ADGRL2: variants seen among roughly 807,000 people sequenced by gnomAD.
The protein encoded by ADGRL2 is adhesion G protein-coupled receptor L2, also known as calcium-independent alpha-latrotoxin receptor 2.
ADGRL2 carries 44 observed loss-of-function variants against 157.4 expected under a neutral mutation model. The ratio of observed to expected loss-of-function variants is 0.28; its 90% confidence interval spans 0.22 to 0.36. The LOEUF (loss-of-function observed/expected upper bound fraction) is 0.36, where lower values mean the gene tolerates loss of function less well. ADGRL2 is among the 10% of genes least tolerant of loss of function. The pLI is 1.00. For missense variants in ADGRL2, 1,510 were observed against 1,768.9 expected (o/e 0.85, Z 2.63); for synonymous variants, 585 against 624.7 (o/e 0.94, Z 0.95).
intron 1 of ADGRL2, among the ~76,000 whole-genome samples, chr1:81,438,292 G>T (rs1207956397): frequency 2.0e-5 from 3 of 152,250 alleles, no homozygotes; most frequent in East Asian, 3.9e-4. Context: ...CAAGCTGTTT[G>T]TTCCCCCAGA....
At chr1:81,406,804 G>A (rs1485904726) in intron 1 of ADGRL2, among the ~76,000 whole-genome samples, 1 of 152,152 alleles carries the variant, frequency 6.6e-6, no homozygotes, top group Non-Finnish European at 1.5e-5. Context: ...GATATGAAAA[G>A]GGGACTCTGG....
chr1:81,953,134 T>A, intron 10 of ADGRL2, 109 bp downstream of exon 10: 1 of 883,624 alleles, frequency 1.1e-6, no homozygotes, highest in Non-Finnish European at 1.8e-6. Context: ...AATTATATAA[T>A]GTGCCCCATA....
At chr1:81,337,463 G>C (rs1178739089) in intron 1 of ADGRL2, among the ~76,000 whole-genome samples, 1 of 152,134 alleles carries the variant, frequency 6.6e-6, no homozygotes, top group African/African-American at 2.4e-5. Flanking sequence ...GAAGGATTGA[G>C]AGCTGTGGGC....
chr1:81,854,430 G>A (rs1201157916), intron 2 of ADGRL2, among the ~76,000 whole-genome samples: 3 of 152,138 alleles, frequency 2.0e-5, no homozygotes, highest in Non-Finnish European at 2.9e-5. Flanking sequence ...TTGGTGTAAC[G>A]TCCAGTGGTT....
At chr1:81,579,710 G>T (rs1423822777) in intron 2 of ADGRL2, among the ~76,000 whole-genome samples, 1 of 151,872 alleles carries the variant, frequency 6.6e-6, no homozygotes, top group South Asian at 2.1e-4. Flanking sequence ...AAAATACAGT[G>T]CTTGCCAAAA....
chr1:81,678,950 G>A (rs1277639113), intron 3 of ADGRL2, among the ~76,000 whole-genome samples: 2 of 152,156 alleles, frequency 1.3e-5, no homozygotes, highest in African/African-American at 4.8e-5. Flanking sequence ...TATCAGAACC[G>A]GTGTTTCTGG....
rs1367921033 is a variant in ADGRL2, at chr1:81,993,158, G to A, written c.*2013G>A. 7.3e-5 allele frequency among the ~76,000 whole-genome samples: 9 copies of A among 123,340 alleles called. No individual in the cohort carries two copies. Among genetic ancestry groups the A allele is most frequent in the Admixed American group, 2.9e-4 (3 of 10,372 alleles). The allele number at this position is 123,340 out of a possible 152,430, so 80.9% of individuals were successfully genotyped here. ...CCTCTGTCACCCAGGCTGGAGTGCA[G>A]TAGTGTGATCTCGGCTCACTGCAAC... On this transcript the variant is annotated 3_prime_UTR_variant, in exon 24 of 24. Coordinates refer to ENST00000686636, the MANE Select transcript of ADGRL2 (RefSeq NM_001366006.2).
At position 81,809,580 on chromosome 1, in the gene ADGRL2, G is replaced by A. The variant is rs2089599200; in HGVS notation, c.-101+8512G>A. ...CCTGTCTTTTTTTCTGAATGAATAA[G>A]AAAAATCTTCAGCCATCATACTAGC... On this transcript the variant is annotated intron_variant, in intron 1 of 23. Coordinates refer to ENST00000686636, the MANE Select transcript of ADGRL2 (RefSeq NM_001366006.2). Among the ~76,000 whole-genome samples the A allele has an allele frequency of 2.0e-5, 3 of 151,838 alleles. No individual in the cohort carries two copies. The South Asian group carries it at 6.2e-4, about 32-fold the overall frequency.
chr1:81,597,814 A>G (rs903154812), intron 3 of ADGRL2, among the ~76,000 whole-genome samples: 1 of 152,202 alleles, frequency 6.6e-6, no homozygotes, highest in Non-Finnish European at 1.5e-5. Flanking sequence ...TTTGTATTTT[A>G]CTTGAGCTGA....
intron 2 of ADGRL2, among the ~76,000 whole-genome samples, chr1:81,881,505 T>C (rs1028400293): frequency 3.3e-5 from 5 of 152,192 alleles, no homozygotes; most frequent in African/African-American, 4.8e-5. Flanking sequence ...CATGTTCATG[T>C]TTGAAATTGT....
chr1:81,777,679 C>A (rs758305684), intron 2 of ADGRL2, among the ~76,000 whole-genome samples: 2 of 152,108 alleles, frequency 1.3e-5, no homozygotes, highest in African/African-American at 2.4e-5. Context: ...GAGAGGATCA[C>A]CTGAGCTCAG....
intron 1 of ADGRL2, among the ~76,000 whole-genome samples, chr1:81,353,879 G>A (rs1190279197): frequency 1.3e-5 from 2 of 152,176 alleles, no homozygotes; most frequent in African/African-American, 2.4e-5. Context: ...TCATGCGAAA[G>A]GGCGACAGCG....
Position 81,966,618 on chromosome 1 carries a change from A to T in ADGRL2, c.2349+9A>T, listed in dbSNP as rs1160323263. 1 of 1,609,176 alleles carries T rather than the reference A, an allele frequency of 6.2e-7. No homozygotes were observed. Among genetic ancestry groups the T allele is most frequent in the Admixed American group, 1.7e-5 (1 of 59,992 alleles). On this transcript the variant is annotated intron_variant, in intron 13 of 23. Coordinates refer to ENST00000686636, the MANE Select transcript of ADGRL2 (RefSeq NM_001366006.2). ...CCCTGCCACACATTGATGTAAGTTA[A>T]TGTATGCTAATGAAGTAATGGAAGG...
chr1:81,807,468 A>G (rs543187418), intron 1 of ADGRL2, among the ~76,000 whole-genome samples: 4 of 151,938 alleles, frequency 2.6e-5, no homozygotes, highest in Non-Finnish European at 5.9e-5. Flanking sequence ...ACAAAAATAA[A>G]TTGAGACTAT....
intron 2 of ADGRL2, among the ~76,000 whole-genome samples, chr1:81,874,570 CTGAGT>C (rs1444195704): frequency 6.6e-6 from 1 of 151,966 alleles, no homozygotes; most frequent in African/African-American, 2.4e-5. Flanking sequence ...TCTTCCTGAT[CTGAGT>C]TTTCTTTCTT....
intron 5 of ADGRL2, 136 bp from the exon 6 acceptor site, chr1:81,942,833 G>A (rs1383740884): frequency 1.4e-6 from 1 of 722,248 alleles, no homozygotes; most frequent in South Asian, 1.5e-5. Context: ...GGTAGTATTT[G>A]TATGAAGTAT....
chr1:81,946,187 G>A (rs1179023043), intron 6 of ADGRL2, among the ~76,000 whole-genome samples: 1 of 152,016 alleles, frequency 6.6e-6, no homozygotes, highest in Non-Finnish European at 1.5e-5. Flanking sequence ...CATAAATTGT[G>A]CTATAAAATT....
intron 1 of ADGRL2, among the ~76,000 whole-genome samples, chr1:81,814,202 TA>T (rs575031075): frequency 1.7e-4 from 26 of 151,726 alleles, no homozygotes; most frequent in African/African-American, 4.1e-4. Flanking sequence ...GAATTAATAA[TA>T]AAAAAATACG....
chr1:81,760,492 T>A (rs1246924560), intron 1 of ADGRL2, among the ~76,000 whole-genome samples: 1 of 152,116 alleles, frequency 6.6e-6, no homozygotes, highest in Non-Finnish European at 1.5e-5. Flanking sequence ...GCTTTTGGTG[T>A]CTAATTTGAA....
Sources: gnomAD v4.1 joint callset for allele counts (sites outside exome capture counted in the v4.1 genomes callset) on GRCh38, gnomAD v4.1.1 for gene constraint, MANE v1.5 for transcripts, NCBI Gene and HGNC (gene_info 2026-07-23, HGNC 2026-07-21) for gene names.